PDE1C: variants seen among roughly 807,000 people sequenced by gnomAD.
The protein encoded by PDE1C is phosphodiesterase 1C.
In PDE1C, 62 loss-of-function variants were observed where a neutral mutation model predicts 93.1. The observed-to-expected ratio is 0.67, with a 90% CI of 0.54 to 0.82. The LOEUF is 0.82. Among genes scored for constraint, PDE1C ranks in the 40% least tolerant of loss-of-function variants. The pLI is 0.00. For missense variants in PDE1C, 742 were observed against 884.6 expected (o/e 0.84, Z 2.04); for synonymous variants, 325 against 310.1 (o/e 1.05, Z -0.50).
At chr7:32,286,241 GAA>G (rs1476421682) in intron 1 of PDE1C, among the ~76,000 whole-genome samples, 2 of 152,218 alleles carry the variant, frequency 1.3e-5, no homozygotes, top group African/African-American at 4.8e-5. Context: ...GATTTTTACT[GAA>G]GATATGTCCC....
chr7:32,052,402 G>A (rs1477167211), intron 1 of PDE1C: 13 of 454,900 alleles, frequency 2.9e-5, no homozygotes, highest in Non-Finnish European at 4.0e-5. Context: ...GCCATAAAAT[G>A]TATGTTGTCC....
At chr7:32,278,138 A>AAC (rs1413642809) in intron 1 of PDE1C, among the ~76,000 whole-genome samples, 1 of 151,894 alleles carries the variant, frequency 6.6e-6, no homozygotes, top group Admixed American at 6.6e-5. Context: ...AAAAAAAAAA[A>AAC]AATGCAGGAG....
At chr7:32,317,586 GT>G (rs34523346) in intron 1 of PDE1C, among the ~76,000 whole-genome samples, 155 of 147,192 alleles carry the variant, frequency 1.1e-3, no homozygotes, top group Admixed American at 2.1e-3. Context: ...GAAAGTGATA[GT>G]TTTTTTTTTT....
chr7:31,878,017 T>C lies in PDE1C; in HGVS notation c.445A>G (p.Asn149Asp), dbSNP rs748840253. ...GGTGGATAGCTCAGTCCAACCATGTTTGATGTCCGTCTATACATTCTGAAA... is the reference window on the plus strand; with the variant it reads ...GGTGGATAGCTCAGTCCAACCATGTCTGATGTCCGTCTATACATTCTGAAA... ...FVERMYRRTS[N>D]MVGLSYPPAV... The change falls in exon 5 of 18, where the codon AAC becomes GAC. Residue 149 changes from asparagine (N) to aspartate (D), a missense_variant. Coordinates refer to ENST00000396191, the MANE Select transcript of PDE1C (RefSeq NM_001191057.4). 3.7e-6 allele frequency: 6 copies of C among 1,612,864 alleles called. No individual in the cohort carries two copies. Among genetic ancestry groups the C allele is most frequent in the East Asian group, 2.2e-5 (1 of 44,786 alleles).
At chr7:32,245,643 G>A (rs931181780) in intron 1 of PDE1C, among the ~76,000 whole-genome samples, 1 of 152,148 alleles carries the variant, frequency 6.6e-6, no homozygotes, top group African/African-American at 2.4e-5. Flanking sequence ...TGTCTGGGTT[G>A]CTCTAACAAA....
At chr7:32,158,389 G>T (rs146973765) in intron 3 of PDE1C, among the ~76,000 whole-genome samples, 350 of 152,250 alleles carry the variant, frequency 2.3e-3, no homozygotes, top group African/African-American at 7.8e-3. Flanking sequence ...GGGTTAGGAG[G>T]AAATTGGACC....
intron 3 of PDE1C, among the ~76,000 whole-genome samples, chr7:32,086,982 A>G (rs1488182523): frequency 6.6e-6 from 1 of 151,966 alleles, no homozygotes; most frequent in African/African-American, 2.4e-5. Context: ...AGCAATGGCA[A>G]CAAAAGCCAA....
chr7:32,070,456 T>C, upstream of PDE1C: 1 of 1,589,136 alleles, frequency 6.3e-7, no homozygotes, highest in Non-Finnish European at 8.6e-7. Flanking sequence ...CCTCCCCGTC[T>C]CCTCGCCCAG....
At chr7:31,900,219 ATT>A (rs372432164) in intron 2 of PDE1C, among the ~76,000 whole-genome samples, 7 of 152,266 alleles carry the variant, frequency 4.6e-5, no homozygotes, top group South Asian at 2.1e-4. Flanking sequence ...AGTCTTTCCA[ATT>A]TTATTTCATA....
intron 1 of PDE1C, among the ~76,000 whole-genome samples, chr7:32,210,036 A>G (rs949572187): frequency 3.9e-5 from 6 of 152,220 alleles, no homozygotes; most frequent in African/African-American, 1.4e-4. Flanking sequence ...AAGATATTAA[A>G]TTTAGATGCT....
intron 2 of PDE1C, among the ~76,000 whole-genome samples, chr7:31,930,935 T>C (rs1476165207): frequency 6.7e-6 from 1 of 148,566 alleles, no homozygotes; most frequent in Non-Finnish European, 1.5e-5. Context: ...GTTCAACATA[T>C]GAAAATCAAT....
the PDE1C span, among the ~76,000 whole-genome samples, chr7:31,684,716 A>T: frequency 3.9e-5 from 6 of 152,222 alleles, no homozygotes; most frequent in African/African-American, 1.2e-4. Context: ...CCATGACGAG[A>T]TATTACTACT....
intron 2 of PDE1C, among the ~76,000 whole-genome samples, chr7:31,944,971 T>C (rs1806407814): frequency 6.6e-6 from 1 of 152,176 alleles, no homozygotes; most frequent in Non-Finnish European, 1.5e-5. Context: ...TTTCCTGTTG[T>C]TTTTCTTCCT....
At chr7:32,009,296 A>G (rs1786738556) in intron 2 of PDE1C, among the ~76,000 whole-genome samples, 1 of 152,186 alleles carries the variant, frequency 6.6e-6, no homozygotes, top group Non-Finnish European at 1.5e-5. Context: ...CTGAGTCAGG[A>G]GATGGAGTTG....
intron 1 of PDE1C, among the ~76,000 whole-genome samples, chr7:32,418,591 C>CTTCA (rs1249258958): frequency 6.6e-4 from 101 of 152,206 alleles, no homozygotes; most frequent in African/African-American, 2.2e-3. Flanking sequence ...TACGGCAGCA[C>CTTCA]ACATTTCCAG....
intron 1 of PDE1C, among the ~76,000 whole-genome samples, chr7:32,287,571 C>T (rs1477411261): frequency 3.9e-5 from 6 of 152,236 alleles, no homozygotes; most frequent in Non-Finnish European, 2.9e-5. Context: ...ACATAGTATT[C>T]CTAGTGCCTA....
chr7:32,001,028 A>G (rs1272700210), intron 2 of PDE1C, among the ~76,000 whole-genome samples: 1 of 150,074 alleles, frequency 6.7e-6, no homozygotes, highest in Non-Finnish European at 1.5e-5. Context: ...ATGTATGGGG[A>G]GGGTGGAGAC....
chr7:31,960,935 A>G (rs1808850290), intron 2 of PDE1C, among the ~76,000 whole-genome samples: 2 of 152,066 alleles, frequency 1.3e-5, no homozygotes, highest in South Asian at 2.1e-4. Flanking sequence ...CCTCCTGTTC[A>G]TGCATTTCCC....
chr7:32,066,713 G>A (rs1795449157), intron 1 of PDE1C, among the ~76,000 whole-genome samples: 1 of 151,990 alleles, frequency 6.6e-6, no homozygotes, highest in Non-Finnish European at 1.5e-5. Context: ...TTCCCTGACT[G>A]AAAGATTCTG....
Sources: allele counts gnomAD v4.1 joint callset (sites outside exome capture counted in the v4.1 genomes callset), GRCh38; gene constraint gnomAD v4.1.1; transcripts MANE v1.5; gene names NCBI Gene and HGNC (gene_info 2026-07-23, HGNC 2026-07-21).